Variants in FRK observed in about 807,000 individuals in gnomAD.
FRK encodes the protein tyrosine-protein kinase FRK.
In FRK, 51 loss-of-function variants were observed where a neutral mutation model predicts 56.4. That is an observed-to-expected ratio of 0.90 (90% CI 0.72 to 1.14). FRK has a LOEUF of 1.14. Among genes scored for constraint, FRK ranks in the 50% most tolerant of loss-of-function variants. FRK has a pLI of 0.00. For missense variants in FRK, 570 were observed against 601.4 expected, an observed-to-expected ratio of 0.95 and a Z score of 0.55; for synonymous variants, 245 against 217.9, an observed-to-expected ratio of 1.12 and a Z score of -1.10.
chr6:116,000,394 C>G (rs1338258446), intron 2 of FRK, among the ~76,000 whole-genome samples: 1 of 151,716 alleles, frequency 6.6e-6, no homozygotes, highest in Non-Finnish European at 1.5e-5. Context: ...AGGTGTGCAC[C>G]ACCATGCCCC....
In FRK at chr6:115,941,525, T is replaced by C. The variant is rs1425205526; in HGVS notation, c.*889A>G. 2 of 152,080 alleles carry C rather than the reference T, an allele frequency of 1.3e-5. No homozygotes were observed. Among genetic ancestry groups the C allele is most frequent in the Admixed American group, 1.3e-4 (2 of 15,246 alleles). 9.4% of individuals were successfully genotyped at this position (152,080 alleles called of 1,614,324 possible). ...AAAAAATAAAAAATAAATAAAACTC[T>C]GATCTGTAGGCCAAAGGGTACTTCT... On this transcript the variant is annotated 3_prime_UTR_variant, in exon 8 of 8. Transcript: ENST00000606080.
chr6:115,981,410 T>C (rs1269477399), intron 2 of FRK, among the ~76,000 whole-genome samples: 1 of 152,160 alleles, frequency 6.6e-6, no homozygotes, highest in Non-Finnish European at 1.5e-5. Context: ...TCTAGCCATA[T>C]GAGTGATAGT....
At chr6:116,099,055 C>T in the FRK span, among the ~76,000 whole-genome samples, 3 of 152,170 alleles carry the variant, frequency 2.0e-5, no homozygotes, top group Non-Finnish European at 4.4e-5. Flanking sequence ...TCAGCAAGTA[C>T]ATAAGATTGT....
At chr6:116,016,292 T>C (rs1452313928) in intron 1 of FRK, among the ~76,000 whole-genome samples, 1 of 152,166 alleles carries the variant, frequency 6.6e-6, no homozygotes, top group Admixed American at 6.6e-5. Flanking sequence ...ACAATCTCTA[T>C]AGTAGGTTGA....
At chr6:115,959,136 G>A (rs1187129896) in intron 4 of FRK, among the ~76,000 whole-genome samples, 1 of 152,148 alleles carries the variant, frequency 6.6e-6, no homozygotes, top group Admixed American at 6.5e-5. Flanking sequence ...AAGCTACTGT[G>A]GGAGTTCATT....
At chr6:116,032,160 A>C (rs1281411192) in intron 1 of FRK, among the ~76,000 whole-genome samples, 1 of 152,022 alleles carries the variant, frequency 6.6e-6, no homozygotes, top group Non-Finnish European at 1.5e-5. Context: ...GAAGACAATA[A>C]ATTTTTTCTG....
chr6:116,099,554 A>T, the FRK span, among the ~76,000 whole-genome samples: 1 of 152,252 alleles, frequency 6.6e-6, no homozygotes, highest in African/African-American at 2.4e-5. Flanking sequence ...CTCATCAGTG[A>T]ACAGCTTAAT....
chr6:116,096,238 A>G, the FRK span, among the ~76,000 whole-genome samples: 1 of 152,188 alleles, frequency 6.6e-6, no homozygotes, highest in Admixed American at 6.5e-5. Context: ...CTTTGCCCCT[A>G]TCCCACAGGA....
At chr6:116,049,449 C>T (rs1256800952) in intron 1 of FRK, among the ~76,000 whole-genome samples, 1 of 152,156 alleles carries the variant, frequency 6.6e-6, no homozygotes, top group Non-Finnish European at 1.5e-5. Context: ...AATAGATAGT[C>T]TCACTTTCTG....
intron 2 of FRK, among the ~76,000 whole-genome samples, chr6:115,982,454 C>T (rs1206394012): frequency 6.6e-6 from 1 of 152,070 alleles, no homozygotes; most frequent in African/African-American, 2.4e-5. Flanking sequence ...CTAGAGAATC[C>T]TGACTAATAC....
chr6:115,993,462 G>C (rs1774700588), intron 2 of FRK, among the ~76,000 whole-genome samples: 1 of 151,342 alleles, frequency 6.6e-6, no homozygotes. Context: ...ATAATATCTT[G>C]AAAAGATGCC....
At chr6:116,082,481 A>T in the FRK span, among the ~76,000 whole-genome samples, 1 of 152,330 alleles carries the variant, frequency 6.6e-6, no homozygotes, top group Admixed American at 6.5e-5. Context: ...AGGTGGTAGC[A>T]GTGAAGCAGT....
chr6:116,073,778 A>G, the FRK span, among the ~76,000 whole-genome samples: 1 of 152,200 alleles, frequency 6.6e-6, no homozygotes, highest in African/African-American at 2.4e-5. Flanking sequence ...ATCAATTCCC[A>G]TAACAGCAAA....
intron 1 of FRK, among the ~76,000 whole-genome samples, chr6:116,036,563 T>C (rs374964401): frequency 1.0e-3 from 156 of 152,250 alleles, no homozygotes; most frequent in African/African-American, 3.5e-3. Context: ...TGTACAATGA[T>C]GCAATAGAAA....
intron 1 of FRK, among the ~76,000 whole-genome samples, chr6:116,045,607 G>A (rs113522086): frequency 0.048 from 7,346 of 152,160 alleles, 209 homozygotes; most frequent in African/African-American, 0.073. Flanking sequence ...AGACTTAAAC[G>A]TAAGACCTAA....
intron 1 of FRK, among the ~76,000 whole-genome samples, chr6:116,034,078 C>T (rs866555675): frequency 5.3e-5 from 8 of 151,978 alleles, no homozygotes; most frequent in East Asian, 1.9e-4. Context: ...GTAACCTTTG[C>T]GGGGCCAGGT....
intron 3 of FRK, 81 bp downstream of exon 3, chr6:115,968,495 G>T: frequency 6.7e-7 from 1 of 1,498,280 alleles, no homozygotes; most frequent in Admixed American, 2.0e-5. Flanking sequence ...TTCCTGAACT[G>T]ATATTCCATG....
the FRK span, among the ~76,000 whole-genome samples, chr6:116,100,695 G>A: frequency 1.3e-5 from 2 of 152,172 alleles, no homozygotes; most frequent in Non-Finnish European, 2.9e-5. Flanking sequence ...GAGGACGCGA[G>A]CTGACTACCT....
Position 115,936,724 on chromosome 6 carries a change from T to TC in FRK, c.*5689dup, listed in dbSNP as rs1772056143. On this transcript the variant is annotated 3_prime_UTR_variant, in exon 8 of 8. Coordinates refer to ENST00000606080, the MANE Select transcript of FRK (RefSeq NM_002031.3). ...AGTCGATAAAGCACAAGAAAGGATA[T>TC]CAAAGATTGAAGATCAACTTAATGA... is the stretch of plus-strand genomic sequence containing the variant. The TC allele has an allele frequency of 6.6e-6, 1 of 151,938 alleles. No homozygotes were observed. The highest frequency in any genetic ancestry group is 1.5e-5 in the Non-Finnish European group (1 of 68,002). The allele number at this position is 151,938 out of a possible 1,614,324, so 9.4% of individuals were successfully genotyped here. A position where few individuals can be genotyped will look rare whatever the true frequency, so the allele number is the denominator to read the frequency against.
Sources: allele counts gnomAD v4.1 joint callset (sites outside exome capture counted in the v4.1 genomes callset), GRCh38; gene constraint gnomAD v4.1.1; transcripts MANE v1.5; gene names NCBI Gene and HGNC (gene_info 2026-07-23, HGNC 2026-07-21).